Variants in KDM5A observed in about 807,000 individuals in gnomAD.
The protein encoded by KDM5A is lysine demethylase 5A.
Under a neutral mutation model 193.5 loss-of-function variants are expected in KDM5A, and 42 were observed. That is an observed-to-expected ratio of 0.22 (90% CI 0.17 to 0.28). The LOEUF (loss-of-function observed/expected upper bound fraction) is 0.28. Among genes scored for constraint, KDM5A ranks in the 10% least tolerant of loss-of-function variants. The pLI, the probability that KDM5A is intolerant of heterozygous loss-of-function variation, is 1.00. For missense variants in KDM5A, 1,692 were observed against 2,055.1 expected (o/e 0.82, Z 3.42); for synonymous variants, 796 against 718.1 (o/e 1.11, Z -1.73).
chr12:323,356 G>GA, intron 15 of KDM5A, 150 bp from the exon 16 acceptor site: 1 of 1,076,016 alleles, frequency 9.3e-7, no homozygotes, highest in African/African-American at 1.6e-5. Flanking sequence ...CACATAAAGA[G>GA]AAAATCAAAC....
Position 318,287 on chromosome 12 carries a change from C to T in KDM5A, c.2716G>A (p.Glu906Lys), listed in dbSNP as rs780617531. 6 of 1,613,996 alleles carry T rather than the reference C, an allele frequency of 3.7e-6. No homozygotes were observed. The highest frequency in any genetic ancestry group is 2.2e-5 in the East Asian group (1 of 44,878). ...GGATCTGATAAGGTCAGTCTTACTT[C>T]GTCCAACCACCGAGCCTGTTGTAGC... ...QELQQARWLD[E>K]VRLTLSDPQQ... Residue 906 changes from glutamate (E) to lysine (K), a missense_variant, in exon 19 of 28, where the codon GAA becomes AAA. By Grantham distance (56) the Glu-to-Lys change is moderately conservative (BLOSUM62 1). Coordinates refer to ENST00000399788, the MANE Select transcript of KDM5A (RefSeq NM_001042603.3).
intron 3 of KDM5A, among the ~76,000 whole-genome samples, chr12:370,739 A>G (rs527254112): frequency 5.9e-5 from 9 of 152,288 alleles, no homozygotes; most frequent in East Asian, 1.9e-4. Context: ...TACATTAGGT[A>G]TATCTCCTAA....
At chr12:295,297 AAAAG>A (rs1179243038) in intron 26 of KDM5A, among the ~76,000 whole-genome samples, 2 of 151,990 alleles carry the variant, frequency 1.3e-5, no homozygotes, top group African/African-American at 4.8e-5. Context: ...AGAAAAAAGA[AAAAG>A]AAAGGAAAGG....
rs1398397999 is a variant in KDM5A, at chr12:389,309, T to C, written c.-218A>G. 17 of 680,056 alleles carry C rather than the reference T, an allele frequency of 2.5e-5. No individual in the cohort carries two copies. The highest frequency in any genetic ancestry group is 3.5e-5 in the Non-Finnish European group (13 of 372,946). The allele number at this position is 680,056 out of a possible 1,614,324, so 42.1% of individuals were successfully genotyped here. A position where few individuals can be genotyped will look rare whatever the true frequency, so the allele number is the denominator to read the frequency against. ...TGAGGTTCAGGACTTTTCCGGAAGTTACCGTGCTGTCAAATCCCTCCGCCC... is the reference window on the plus strand; with the variant it reads ...TGAGGTTCAGGACTTTTCCGGAAGTCACCGTGCTGTCAAATCCCTCCGCCC... On this transcript the variant is annotated 5_prime_UTR_variant, in exon 1 of 28. Coordinates refer to ENST00000399788, the MANE Select transcript of KDM5A (RefSeq NM_001042603.3).
rs117284443 is a variant in KDM5A, at chr12:345,375, C to G, written c.1308+5246G>C. Among the ~76,000 whole-genome samples the G allele has an allele frequency of 2.8e-3, 430 of 152,284 alleles. 13 individuals are homozygous for G. The East Asian group carries it at 0.065, about 23-fold the overall frequency. On this transcript the variant is annotated intron_variant, in intron 10 of 27. Coordinates refer to ENST00000399788, the MANE Select transcript of KDM5A (RefSeq NM_001042603.3). ...GATAGATCAATGAGACACAGGTTAA[C>G]AAGGATATCCAGGACCTGAATTCAG...
intron 14 of KDM5A, among the ~76,000 whole-genome samples, chr12:325,460 A>G (rs1296948978): frequency 6.6e-6 from 1 of 151,842 alleles, no homozygotes; most frequent in Non-Finnish European, 1.5e-5. Context: ...AGGTGGGTAG[A>G]TCACCTGAGG....
chr12:383,407 G>A (rs1363980108), intron 3 of KDM5A, among the ~76,000 whole-genome samples: 1 of 151,858 alleles, frequency 6.6e-6, no homozygotes, highest in East Asian at 1.9e-4. Flanking sequence ...AGTAGACATA[G>A]GGTTTCACCA....
In KDM5A at chr12:356,545, A is replaced by G. The variant is rs1944231769; in HGVS notation, c.673-8T>C. The G allele has an allele frequency of 6.4e-7, 1 of 1,568,094 alleles. No homozygotes were observed. The highest frequency in any genetic ancestry group is 8.8e-7 in the Non-Finnish European group (1 of 1,138,220). ...CACATCTCCAGATTCTGACTAAAAA[A>G]TAAGCAAAATTCACATTAGCATAAT... is the stretch of plus-strand genomic sequence containing the variant. On this transcript the variant is annotated splice_region_variant and splice_polypyrimidine_tract_variant and intron_variant, in intron 5 of 27. Coordinates refer to ENST00000399788, the MANE Select transcript of KDM5A (RefSeq NM_001042603.3).
At chr12:358,176 A>G (rs1161226957) in intron 5 of KDM5A, among the ~76,000 whole-genome samples, 1 of 152,216 alleles carries the variant, frequency 6.6e-6, no homozygotes. Context: ...ATCTTGAATT[A>G]AGATTAACCA....
At chr12:287,537 A>T (rs1943235213) in intron 27 of KDM5A, among the ~76,000 whole-genome samples, 1 of 152,060 alleles carries the variant, frequency 6.6e-6, no homozygotes, top group South Asian at 2.1e-4. Context: ...ATCTGTGCAA[A>T]ATGTAAAAAT....
intron 17 of KDM5A, 35 bp downstream of exon 17, chr12:322,382 A>G (rs1256458482): frequency 6.2e-7 from 1 of 1,602,066 alleles, no homozygotes; most frequent in South Asian, 1.1e-5. Context: ...AAGAAACAGG[A>G]AAACACTGGA....
chr12:386,348 CATAACGCTTGTGTATACTGGACCGTCAGA>C (rs1328376507), intron 1 of KDM5A, among the ~76,000 whole-genome samples: 1 of 152,132 alleles, frequency 6.6e-6, no homozygotes, highest in African/African-American at 2.4e-5. Context: ...TAATCTGGTG[CATAACGCTTGTGTATACTGGACCGTCAGA>C]AAAGAAAGGT....
intron 26 of KDM5A, 33 bp downstream of exon 26, chr12:295,540 T>C (rs774615174): frequency 6.3e-7 from 1 of 1,592,702 alleles, no homozygotes; most frequent in Admixed American, 1.7e-5. Context: ...TTCTAGTTTT[T>C]AACCACTGTT....
At chr12:322,268 A>T in intron 17 of KDM5A, 149 bp downstream of exon 17, 1 of 680,026 alleles carries the variant, frequency 1.5e-6, no homozygotes. Flanking sequence ...GAATAGTAGG[A>T]GATAAAACTG....
chr12:318,468 AG>A lies in KDM5A; in HGVS notation c.2542-8del, dbSNP rs755281933. On this transcript the variant is annotated splice_polypyrimidine_tract_variant and splice_region_variant and intron_variant, in intron 18 of 27. Coordinates refer to ENST00000399788, the MANE Select transcript of KDM5A (RefSeq NM_001042603.3). ...CCACATCATCTAGCAGATTCTGAAA[AG>A]GTCAAAAGAAATAAAAATCAGAAAA... 1 of 1,599,008 alleles carries A rather than the reference AG, an allele frequency of 6.3e-7. No homozygotes were observed. The highest frequency in any genetic ancestry group is 1.1e-5 in the South Asian group (1 of 90,760).
intron 24 of KDM5A, among the ~76,000 whole-genome samples, chr12:306,468 C>A (rs1236703168): frequency 6.6e-6 from 1 of 152,178 alleles, no homozygotes; most frequent in East Asian, 1.9e-4. Context: ...TCAGGCCTGG[C>A]GTGGTGGCTC....
At chr12:346,577 T>G (rs865807074) in intron 10 of KDM5A, among the ~76,000 whole-genome samples, 3 of 152,036 alleles carry the variant, frequency 2.0e-5, no homozygotes, top group Non-Finnish European at 4.4e-5. Context: ...CACAATCGAG[T>G]TGGCTTCATC....
chr12:305,896 A>G (rs918459831), intron 24 of KDM5A, among the ~76,000 whole-genome samples: 1 of 151,560 alleles, frequency 6.6e-6, no homozygotes, highest in Non-Finnish European at 1.5e-5. Context: ...TATATTACCC[A>G]TCTCCGAATG....
In KDM5A at chr12:389,026, A is replaced by G; in HGVS notation, c.66T>C (p.Phe22=). The G allele has an allele frequency of 6.2e-7, 1 of 1,613,096 alleles. No individual in the cohort carries two copies. Among genetic ancestry groups the G allele is most frequent in the South Asian group, 1.1e-5 (1 of 91,056 alleles). Residue 22 remains phenylalanine, a synonymous_variant, in exon 1 of 28, where the codon TTT becomes TTC. Coordinates refer to ENST00000399788, the MANE Select transcript of KDM5A (RefSeq NM_001042603.3). ...EFVPPPECPV[F]EPSWEEFTDP... ...CTGTGAACTCCTCCCAACTCGGCTC[A>G]AAGACGGGGCACTCTGGCGGTGGCA...
Sources: gnomAD v4.1 joint callset for allele counts (sites outside exome capture counted in the v4.1 genomes callset) on GRCh38, gnomAD v4.1.1 for gene constraint, MANE v1.5 for transcripts, NCBI Gene and HGNC (gene_info 2026-07-23, HGNC 2026-07-21) for gene names.